C4orf17: variants seen among roughly 807,000 people sequenced by gnomAD.
The protein encoded by C4orf17 is uncharacterized protein C4orf17.
Under a neutral mutation model 32.0 loss-of-function variants are expected in C4orf17, and 25 were observed. That is an observed-to-expected ratio of 0.78 (90% confidence interval 0.57 to 1.09). The LOEUF is 1.09. C4orf17 is among the 50% of genes least tolerant of loss of function. The pLI is 0.00. For missense variants in C4orf17, 420 were observed against 420.0 expected, an observed-to-expected ratio of 1.00 and a Z score of 0.00; for synonymous variants, 149 against 145.8, an observed-to-expected ratio of 1.02 and a Z score of -0.16.
chr4:99,529,575 T>G (rs957285273), intron 4 of C4orf17, among the ~76,000 whole-genome samples: 1 of 152,210 alleles, frequency 6.6e-6, no homozygotes, highest in South Asian at 2.1e-4. Context: ...ATATTACAAA[T>G]TTGTTATCTT....
At chr4:99,533,886 G>C (rs2110172652) in intron 5 of C4orf17, among the ~76,000 whole-genome samples, 1 of 152,296 alleles carries the variant, frequency 6.6e-6, no homozygotes, top group East Asian at 1.9e-4. Context: ...GGCTACTCTA[G>C]GCTAGATTCT....
intron 5 of C4orf17, chr4:99,536,255 G>C (rs1198147455): frequency 3.7e-5 from 7 of 188,544 alleles, no homozygotes; most frequent in South Asian, 9.4e-5. Flanking sequence ...GGAAGAGCAG[G>C]TATGCTGCAT....
At chr4:99,534,300 G>A (rs1281959957) in intron 5 of C4orf17, among the ~76,000 whole-genome samples, 2 of 152,106 alleles carry the variant, frequency 1.3e-5, no homozygotes, top group Non-Finnish European at 2.9e-5. Flanking sequence ...CTATGTCCTT[G>A]CAAAAGACAT....
intron 2 of C4orf17, among the ~76,000 whole-genome samples, chr4:99,514,015 C>T (rs938767791): frequency 3.3e-5 from 5 of 152,002 alleles, no homozygotes; most frequent in East Asian, 1.9e-4. Flanking sequence ...ATACCACCCC[C>T]GACAAAGTAG....
chr4:99,541,926 T>C lies in C4orf17; in HGVS notation c.897T>C (p.Pro299=). The part of the protein sequence containing the change: ...KEVPKEAEHK[P]PLLIRRNNMK... ...CTATTTCAGAGGCTGAGCACAAGCC[T>C]CCACTACTTATAAGAAGAAATAATA... Residue 299 remains proline (P), a synonymous_variant, in exon 9 of 9, where the codon CCT becomes CCC. Coordinates refer to ENST00000326581, the MANE Select transcript of C4orf17 (RefSeq NM_032149.3). 6.2e-7 allele frequency: 1 copy of C among 1,613,404 alleles called. No individual in the cohort carries two copies. Among genetic ancestry groups the C allele is most frequent in the Non-Finnish European group, 8.5e-7 (1 of 1,179,722 alleles).
Position 99,539,405 on chromosome 4 carries a change from CTA to C in C4orf17, c.836+37_836+38del, listed in dbSNP as rs757058098. 2.6e-6 allele frequency: 4 copies of C among 1,513,778 alleles called. No homozygotes were observed. The Admixed American group carries it at 5.0e-5, about 19-fold the overall frequency. The allele number at this position is 1,513,778 out of a possible 1,614,324, so 93.8% of individuals were successfully genotyped here. ...TATAATGGCCCCCTAGAGGGAGGGC[CTA>C]TGGCACATGAAGACTTTGAATTCTC... On this transcript the variant is annotated intron_variant, in intron 7 of 8. Transcript: ENST00000326581.
chr4:99,518,503 AAAAAAAAAAAAAAAAATATAT>A (rs1362758124), intron 2 of C4orf17, among the ~76,000 whole-genome samples: 5 of 70,304 alleles, frequency 7.1e-5, no homozygotes, highest in African/African-American at 4.1e-4. Flanking sequence ...AAAAAAAAAA[AAAAAAAAAAAAAAAAATATAT>A]ATATATATAT....
At chr4:99,533,145 G>A (rs1723504465) in intron 5 of C4orf17, among the ~76,000 whole-genome samples, 1 of 152,152 alleles carries the variant, frequency 6.6e-6, no homozygotes, top group South Asian at 2.1e-4. Flanking sequence ...CAAGGGGTGT[G>A]GGAAGCCAGC....
intron 2 of C4orf17, among the ~76,000 whole-genome samples, chr4:99,515,315 G>A (rs1159154071): frequency 6.6e-6 from 1 of 152,110 alleles, no homozygotes; most frequent in Non-Finnish European, 1.5e-5. Context: ...ATCAATGATA[G>A]GCCGGATAAA....
chr4:99,538,174 A>G (rs1366454377), intron 6 of C4orf17, among the ~76,000 whole-genome samples: 1 of 152,188 alleles, frequency 6.6e-6, no homozygotes, highest in Non-Finnish European at 1.5e-5. Flanking sequence ...CAGCTCTGCC[A>G]TTTGCCCAGC....
chr4:99,516,473 C>T (rs1723182940), intron 2 of C4orf17, among the ~76,000 whole-genome samples: 2 of 152,192 alleles, frequency 1.3e-5, no homozygotes, highest in Non-Finnish European at 2.9e-5. Flanking sequence ...ATTCAGCCAT[C>T]TATACGTTTA....
chr4:99,511,727 C>T (rs1470654971), intron 1 of C4orf17, among the ~76,000 whole-genome samples: 3 of 152,010 alleles, frequency 2.0e-5, no homozygotes, highest in East Asian at 1.9e-4. Flanking sequence ...AATTTACTGG[C>T]TTAATTGTAC....
intron 5 of C4orf17, among the ~76,000 whole-genome samples, chr4:99,535,619 G>T (rs943101271): frequency 1.3e-5 from 2 of 151,990 alleles, no homozygotes; most frequent in Non-Finnish European, 2.9e-5. Context: ...GGCTATTCTT[G>T]TTATCAGCTT....
intron 2 of C4orf17, among the ~76,000 whole-genome samples, chr4:99,520,862 C>T (rs1345110991): frequency 1.3e-5 from 2 of 152,098 alleles, no homozygotes; most frequent in Non-Finnish European, 1.5e-5. Flanking sequence ...TCTTACTAAG[C>T]TGTAAATAAC....
In C4orf17 at chr4:99,513,002, C is replaced by A; in HGVS notation, c.-80C>A. 3 of 1,491,324 alleles carry A rather than the reference C, an allele frequency of 2.0e-6. No individual in the cohort carries two copies. Among genetic ancestry groups the A allele is most frequent in the South Asian group, 1.2e-5 (1 of 85,504 alleles). The allele number at this position is 1,491,324 out of a possible 1,614,324, so 92.4% of individuals were successfully genotyped here. On this transcript the variant is annotated 5_prime_UTR_variant, in exon 2 of 9. In the 5' UTR this introduces an upstream ATG that the reference lacks. Transcript: ENST00000326581. The stretch of plus-strand genomic sequence containing the variant: ...TTGTGATTTCAGGGTCTGAGCACAT[C>A]TGGAAGTGAGGTCAATCAAGTTAGA...
chr4:99,540,280 TA>T (rs534933920), intron 7 of C4orf17, 131 bp from the exon 8 acceptor site: 170 of 561,728 alleles, frequency 3.0e-4, no homozygotes, highest in East Asian at 3.0e-3. Context: ...CTGTATGCAT[TA>T]AAAAAAACAA....
intron 5 of C4orf17, among the ~76,000 whole-genome samples, chr4:99,532,670 A>C (rs1723495297): frequency 6.6e-6 from 1 of 152,204 alleles, no homozygotes; most frequent in Non-Finnish European, 1.5e-5. Context: ...CATAACAAAC[A>C]TGCACATGTA....
Position 99,513,136 on chromosome 4 carries a change from A to AT in C4orf17, c.57dup (p.Met20TyrfsTer3). The stretch of plus-strand genomic sequence containing the variant: ...TCAGATCGAGGGCAAAGGCAGCCAT[A>AT]TTATGGCTAGAAATGTAAGCTGCTT... On this transcript the variant is annotated frameshift_variant, in exon 2 of 9. Transcript: ENST00000326581. LOFTEE classifies it high-confidence loss of function. 1.2e-6 allele frequency: 2 copies of AT among 1,613,932 alleles called. No homozygotes were observed. The highest frequency in any genetic ancestry group is 1.7e-6 in the Non-Finnish European group (2 of 1,179,866).
In C4orf17 at chr4:99,537,697, A is replaced by G. The variant is rs748151070; in HGVS notation, c.575A>G (p.His192Arg). The stretch of plus-strand genomic sequence containing the variant: ...CTGGCAAAGCTCTGTAGCATTTTGC[A>G]TACTGATTCTCTGGCAGAAGTTTTA... ...KILAKLCSIL[H>R]TDSLAEVLQW... Residue 192 changes from histidine (H) to arginine (R), a missense_variant, in exon 6 of 9, where the codon CAT (histidine) becomes CGT (arginine). Transcript: ENST00000326581. 1.9e-6 allele frequency: 3 copies of G among 1,612,914 alleles called. No individual in the cohort carries two copies. The highest frequency in any genetic ancestry group is 2.5e-6 in the Non-Finnish European group (3 of 1,179,842).
Sources: allele counts gnomAD v4.1 joint callset (sites outside exome capture counted in the v4.1 genomes callset), GRCh38; gene constraint gnomAD v4.1.1; transcripts MANE v1.5; gene names NCBI Gene and HGNC (gene_info 2026-07-23, HGNC 2026-07-21).